The following SLC39A9 variants were observed in gnomAD, a reference collection of about 807,000 sequenced individuals.
SLC39A9 encodes solute carrier family 39 member 9, also known as zinc transporter ZIP9.
Under a neutral mutation model 28.4 loss-of-function variants are expected in SLC39A9, and 14 were observed. That is an observed-to-expected ratio of 0.49 (90% CI 0.33 to 0.77). The LOEUF is 0.77. Ranked by LOEUF, SLC39A9 falls within the 30% of genes least tolerant of loss-of-function variation. The pLI is 0.02. For synonymous variants in SLC39A9, 119 were observed against 149.6 expected (o/e 0.80, Z 1.49); for missense variants, 283 against 381.1 (o/e 0.74, Z 2.14).
chr14:69,399,472 A>C lies in SLC39A9; in HGVS notation c.96+7A>C. 1 of 1,612,404 alleles carries C rather than the reference A, an allele frequency of 6.2e-7. No individual in the cohort carries two copies. Among genetic ancestry groups the C allele is most frequent in the Non-Finnish European group, 8.5e-7 (1 of 1,178,716 alleles). On this transcript the variant is annotated splice_region_variant and intron_variant, in intron 1 of 6. Coordinates refer to ENST00000336643, the MANE Select transcript of SLC39A9 (RefSeq NM_018375.5). ...GGCTGTTAATTTCTCAGAGGTAAGA[A>C]ATTCTCAATTTTCTGTCAGCTGTCA... is the stretch of plus-strand genomic sequence containing the variant.
At chr14:69,425,909 C>A (rs940984357) in intron 2 of SLC39A9, among the ~76,000 whole-genome samples, 67 of 152,244 alleles carry the variant, frequency 4.4e-4, no homozygotes, top group African/African-American at 1.5e-3. Context: ...AAGCGATCCT[C>A]CCAAGTTGGC....
At chr14:69,434,083 CTTT>C (rs570635766) in intron 2 of SLC39A9, among the ~76,000 whole-genome samples, 26 of 128,290 alleles carry the variant, frequency 2.0e-4, no homozygotes, top group Non-Finnish European at 2.6e-4. Context: ...CTTTTCTTTT[CTTT>C]TTTTTTTTTT....
intron 3 of SLC39A9, among the ~76,000 whole-genome samples, chr14:69,445,404 TATG>T (rs1885247778): frequency 6.6e-6 from 1 of 152,232 alleles, no homozygotes; most frequent in Admixed American, 6.5e-5. Flanking sequence ...TTCTCTTTCT[TATG>T]ATTTTTAAAT....
At chr14:69,449,345 T>C (rs1164594487) in intron 3 of SLC39A9, among the ~76,000 whole-genome samples, 1 of 152,180 alleles carries the variant, frequency 6.6e-6, no homozygotes, top group Non-Finnish European at 1.5e-5. Context: ...TAACGTAGGC[T>C]GAGCATGGTG....
At chr14:69,431,796 A>G (rs1224155841) in intron 2 of SLC39A9, among the ~76,000 whole-genome samples, 1 of 152,056 alleles carries the variant, frequency 6.6e-6, no homozygotes, top group Non-Finnish European at 1.5e-5. Flanking sequence ...CCCACTTGTA[A>G]GTGAGAACAT....
chr14:69,426,007 T>A (rs11626070), intron 2 of SLC39A9, among the ~76,000 whole-genome samples: 28,506 of 152,052 alleles, frequency 0.19, 2,812 homozygotes, highest in South Asian at 0.26. Flanking sequence ...TGTGTTAGGT[T>A]GTGTGTAGAG....
At chr14:69,401,379 T>G (rs1882625144) in intron 1 of SLC39A9, among the ~76,000 whole-genome samples, 1 of 152,218 alleles carries the variant, frequency 6.6e-6, no homozygotes, top group Non-Finnish European at 1.5e-5. Context: ...TAACCATATT[T>G]TCTTATAACT....
Position 69,462,048 on chromosome 14 carries a change from C to G in SLC39A9, c.*3455C>G, listed in dbSNP as rs1394890758. ...AGACATCTAGATTCACCTCAGGAGGCCTGAAGGAAATGTGTAACTTGTGGG... is the reference window on the plus strand; with the variant it reads ...AGACATCTAGATTCACCTCAGGAGGGCTGAAGGAAATGTGTAACTTGTGGG... On this transcript the variant is annotated 3_prime_UTR_variant, in exon 7 of 7. Transcript: ENST00000336643. 1 of 229,936 alleles carries G rather than the reference C, an allele frequency of 4.3e-6. No homozygotes were observed. Among genetic ancestry groups the G allele is most frequent in the Non-Finnish European group, 8.4e-6 (1 of 118,512 alleles). 14.2% of individuals were successfully genotyped at this position (229,936 alleles called of 1,614,324 possible). A position where few individuals can be genotyped will look rare whatever the true frequency, so the allele number is the denominator to read the frequency against.
rs1410043147 is a variant in SLC39A9, at chr14:69,453,224, T to C, written c.404-17T>C. 1.2e-6 allele frequency: 2 copies of C among 1,610,120 alleles called. No individual in the cohort carries two copies. The highest frequency in any genetic ancestry group is 1.7e-5 in the Admixed American group (1 of 59,992). ...GTCTCACATAGCTTAACGCTGTCTT[T>C]CTCATTTTCACTTTAGATCCAGAAG... On this transcript the variant is annotated splice_polypyrimidine_tract_variant and intron_variant, in intron 3 of 6. Transcript: ENST00000336643.
At chr14:69,412,052 A>T (rs1883296623) in intron 1 of SLC39A9, among the ~76,000 whole-genome samples, 1 of 150,306 alleles carries the variant, frequency 6.7e-6, no homozygotes, top group South Asian at 2.2e-4. Context: ...TAGTGCTGGG[A>T]TTACAGGCAT....
chr14:69,415,987 T>C (rs1226471337), intron 1 of SLC39A9, among the ~76,000 whole-genome samples: 23 of 152,124 alleles, frequency 1.5e-4, no homozygotes, highest in Admixed American at 1.5e-3. Context: ...TTGTTACATA[T>C]GTATACATGT....
rs563885015 is a variant in SLC39A9 at position 69,417,105 on chromosome 14, G to GT, written c.97-6988dup. 5.8e-3 allele frequency among the ~76,000 whole-genome samples: 886 copies of GT among 152,272 alleles called. 11 individuals carry two copies. Among genetic ancestry groups the GT allele is most frequent in the African/African-American group, 0.02 (810 of 41,530 alleles). ...TCTTCTAGGGTTTTTATGGTTTTAG[G>GT]TGTAACATTTAAGTCTTTAATCCAT... is the stretch of plus-strand genomic sequence containing the variant. On this transcript the variant is annotated intron_variant, in intron 1 of 6. Transcript: ENST00000336643.
chr14:69,402,820 G>A (rs1276518023), intron 1 of SLC39A9, among the ~76,000 whole-genome samples: 5 of 152,150 alleles, frequency 3.3e-5, no homozygotes, highest in African/African-American at 1.2e-4. Context: ...AGTGGCTCAC[G>A]CCTGTAATCC....
chr14:69,428,307 G>GC (rs1367351388), intron 2 of SLC39A9, among the ~76,000 whole-genome samples: 8 of 151,776 alleles, frequency 5.3e-5, no homozygotes, highest in South Asian at 2.1e-4. Context: ...TGGGGACAGT[G>GC]CCCCAAAGAA....
At position 69,461,032 on chromosome 14, in the gene SLC39A9, C is replaced by T. The variant is rs1039457642; in HGVS notation, c.*2439C>T. Reference sequence around the variant, plus strand: ...TTCACTTCTTGGCACATTTCAGTTCCGTTTTCCTCTTGTTTAAAACTGCCT... The same window carrying T: ...TTCACTTCTTGGCACATTTCAGTTCTGTTTTCCTCTTGTTTAAAACTGCCT... On this transcript the variant is annotated 3_prime_UTR_variant, in exon 7 of 7. Transcript: ENST00000336643. The T allele has an allele frequency of 8.1e-5, 80 of 985,510 alleles. No homozygotes were observed. The highest frequency in any genetic ancestry group is 9.5e-5 in the Non-Finnish European group (79 of 830,034). 61.0% of individuals were successfully genotyped at this position (985,510 alleles called of 1,614,324 possible).
chr14:69,401,821 TAAA>T (rs1283557558), intron 1 of SLC39A9, among the ~76,000 whole-genome samples: 1 of 152,118 alleles, frequency 6.6e-6, no homozygotes, highest in African/African-American at 2.4e-5. Context: ...GCTATTAGAA[TAAA>T]AAATGAAAGT....
In SLC39A9 at chr14:69,453,328, G is replaced by A; in HGVS notation, c.472+19G>A. On this transcript the variant is annotated intron_variant, in intron 4 of 6. Transcript: ENST00000336643. ...GCTGCAGGTAGGGTTGGATTGCAGT[G>A]GAACTTCTTTGTTTTCTATCGCACA... 1 of 1,611,944 alleles carries A rather than the reference G, an allele frequency of 6.2e-7. No individual in the cohort carries two copies. The highest frequency in any genetic ancestry group is 8.5e-7 in the Non-Finnish European group (1 of 1,178,098).
chr14:69,461,511 A>T lies in SLC39A9; in HGVS notation c.*2918A>T. On this transcript the variant is annotated 3_prime_UTR_variant, in exon 7 of 7. Coordinates refer to ENST00000336643, the MANE Select transcript of SLC39A9 (RefSeq NM_018375.5). ...GTGTTTTCTCTTTCTCCCCGCTTTC[A>T]CCTCTTTCTTTCCCAATTCAAAACA... The T allele has an allele frequency of 7.0e-7, 1 of 1,437,034 alleles. No individual in the cohort carries two copies. The allele number at this position is 1,437,034 out of a possible 1,614,324, so 89.0% of individuals were successfully genotyped here.
chr14:69,436,128 G>A (rs550959480), intron 2 of SLC39A9, among the ~76,000 whole-genome samples: 2 of 152,056 alleles, frequency 1.3e-5, no homozygotes, highest in South Asian at 2.1e-4. Flanking sequence ...TCGGCCAGGC[G>A]CAGTGGCTCA....
Sources: gnomAD v4.1 joint callset for allele counts (sites outside exome capture counted in the v4.1 genomes callset) on GRCh38, gnomAD v4.1.1 for gene constraint, MANE v1.5 for transcripts, NCBI Gene and HGNC (gene_info 2026-07-23, HGNC 2026-07-21) for gene names.